The following PLXNA4 variants were observed in gnomAD, a reference collection of about 807,000 sequenced individuals.
The protein encoded by PLXNA4 is plexin-A4.
PLXNA4 carries 44 observed loss-of-function variants against 191.8 expected under a neutral mutation model. That is an observed-to-expected ratio of 0.23 (90% CI 0.18 to 0.29). The LOEUF (loss-of-function observed/expected upper bound fraction) is 0.29. Among genes scored for constraint, PLXNA4 ranks in the 10% least tolerant of loss-of-function variants. The probability of loss-of-function intolerance (pLI) is 1.00; values close to 1 mark genes in which losing one functional copy is unlikely to be tolerated. For missense variants in PLXNA4, 1,800 were observed against 2,488.8 expected (o/e 0.72, Z 5.89); for synonymous variants, 1,082 against 1,009.5 (o/e 1.07, Z -1.36).
intron 30 of PLXNA4, 76 bp from the exon 31 acceptor site, chr7:132,133,275 G>T: frequency 6.4e-7 from 1 of 1,560,828 alleles, no homozygotes. Context: ...TCCCAGCACC[G>T]TGTCTGGGGC....
intron 3 of PLXNA4, among the ~76,000 whole-genome samples, chr7:132,437,112 C>A (rs1168273541): frequency 2.6e-5 from 4 of 152,238 alleles, no homozygotes; most frequent in Admixed American, 1.3e-4. Context: ...CTTATATTTT[C>A]TTTTCCTTTG....
rs1794891698 is a variant in PLXNA4 at position 132,130,384 on chromosome 7, A to C, written c.*95T>G. On this transcript the variant is annotated 3_prime_UTR_variant, in exon 32 of 32. Transcript: ENST00000321063. ...CAGCGCTGCTCAGGGGATGCTGCTGATGCCAGTCGGAACTTGCACTTGGTA... is the reference window on the plus strand; with the variant it reads ...CAGCGCTGCTCAGGGGATGCTGCTGCTGCCAGTCGGAACTTGCACTTGGTA... 3.2e-6 allele frequency: 5 copies of C among 1,559,588 alleles called. No homozygotes were observed. The highest frequency in any genetic ancestry group is 1.8e-4 in the Middle Eastern group (1 of 5,702).
Position 132,181,474 on chromosome 7 carries a change from C to G in PLXNA4, c.3399G>C (p.Lys1133Asn), listed in dbSNP as rs1424084694. ...DNVQSLLILN[K>N]TNFTYYPNPV... ...GGTTGGGATAGTAGGTGAAGTTGGTCTTGTTGAGGATGAGCAGGGACTGGA... is the reference window on the plus strand; with the variant it reads ...GGTTGGGATAGTAGGTGAAGTTGGTGTTGTTGAGGATGAGCAGGGACTGGA... Residue 1133 changes from lysine to asparagine, a missense_variant, in exon 18 of 32, where the codon AAG becomes AAC. By Grantham distance (94) the Lys-to-Asn change is moderately conservative. Transcript: ENST00000321063. 3 of 1,614,072 alleles carry G rather than the reference C, an allele frequency of 1.9e-6. No individual in the cohort carries two copies. The highest frequency in any genetic ancestry group is 2.2e-5 in the South Asian group (2 of 91,062).
At chr7:132,486,900 C>CT (rs1195969965) in intron 3 of PLXNA4, among the ~76,000 whole-genome samples, 2 of 152,162 alleles carry the variant, frequency 1.3e-5, no homozygotes, top group African/African-American at 4.8e-5. Flanking sequence ...GCCCAGGCTC[C>CT]TGGGGGTGTC....
At chr7:132,379,397 C>G (rs1279902905) in intron 3 of PLXNA4, among the ~76,000 whole-genome samples, 1 of 152,174 alleles carries the variant, frequency 6.6e-6, no homozygotes, top group Middle Eastern at 3.2e-3. Context: ...CTGGCTTTTA[C>G]AAAACCCCTG....
intron 4 of PLXNA4, among the ~76,000 whole-genome samples, chr7:132,280,213 C>T (rs1800428893): frequency 6.6e-6 from 1 of 152,112 alleles, no homozygotes; most frequent in Admixed American, 6.5e-5. Context: ...CCCCTCCCTC[C>T]TCAGAGGCTG....
chr7:132,368,146 T>A lies in PLXNA4; in HGVS notation c.1372-69924A>T, dbSNP rs528361399. ...ATGGGCTGGACAGCAGGGTGTTGAT[T>A]GGGGCCAATGTCAATGCTGGGCGTG... On this transcript the variant is annotated intron_variant, in intron 3 of 31. Transcript: ENST00000321063. Among the ~76,000 whole-genome samples the A allele has an allele frequency of 3.9e-5, 6 of 152,124 alleles. No individual in the cohort carries two copies. The South Asian group carries it at 8.3e-4, about 21-fold the overall frequency.
At chr7:132,148,510 G>A in intron 26 of PLXNA4, 33 bp downstream of exon 26, 1 of 1,613,166 alleles carries the variant, frequency 6.2e-7, no homozygotes, top group Admixed American at 1.7e-5. Context: ...ACTTGTAGTT[G>A]GCTAGCTCCT....
intron 1 of PLXNA4, among the ~76,000 whole-genome samples, chr7:132,519,456 C>T (rs575190374): frequency 6.6e-6 from 1 of 152,320 alleles, no homozygotes; most frequent in Admixed American, 6.5e-5. Flanking sequence ...ACCTTGGGAA[C>T]CACAGAAAAG....
chr7:132,241,089 A>G lies in PLXNA4; in HGVS notation c.1581T>C (p.Cys527=), dbSNP rs776775617. The G allele has an allele frequency of 1.3e-5, 21 of 1,613,224 alleles. No individual in the cohort carries two copies. The highest frequency in any genetic ancestry group is 1.8e-5 in the Non-Finnish European group (21 of 1,179,404). ...GECLGSGDPH[C]GWCVLHNTCT... is the part of the protein sequence containing the mutation. Reference sequence around the variant, plus strand: ...ACGTGTTGTGCAGCACACACCAGCCACAGTGGGGGTCGCCTGAGCCAAGGC... The same window carrying G: ...ACGTGTTGTGCAGCACACACCAGCCGCAGTGGGGGTCGCCTGAGCCAAGGC... The change falls in exon 5 of 32, where the codon TGT becomes TGC. Residue 527 remains cysteine, a synonymous_variant. Transcript: ENST00000321063.
intron 2 of PLXNA4, among the ~76,000 whole-genome samples, chr7:132,621,581 G>C (rs1803268810): frequency 6.6e-6 from 1 of 152,076 alleles, no homozygotes; most frequent in Admixed American, 6.6e-5. Flanking sequence ...TTTATACATT[G>C]CTGCAAAGGT....
At chr7:132,501,353 C>T (rs1178390375) in intron 2 of PLXNA4, among the ~76,000 whole-genome samples, 2 of 152,136 alleles carry the variant, frequency 1.3e-5, no homozygotes, top group South Asian at 2.1e-4. Flanking sequence ...TGTGCTCGGG[C>T]TCATGACATG....
At chr7:132,164,345 C>T in intron 23 of PLXNA4, 57 bp from the exon 24 acceptor site, 1 of 1,592,380 alleles carries the variant, frequency 6.3e-7, no homozygotes, top group South Asian at 1.1e-5. Context: ...AGTGTACCCC[C>T]AGTCCCTGCT....
At chr7:132,173,394 C>T (rs1299757248) in intron 21 of PLXNA4, among the ~76,000 whole-genome samples, 1 of 152,202 alleles carries the variant, frequency 6.6e-6, no homozygotes, top group Non-Finnish European at 1.5e-5. Context: ...TACACGCACA[C>T]AAACACACAT....
chr7:132,478,747 G>A (rs1054529600), intron 3 of PLXNA4, among the ~76,000 whole-genome samples: 1 of 152,156 alleles, frequency 6.6e-6, no homozygotes, highest in African/African-American at 2.4e-5. Flanking sequence ...ATGCAATGAT[G>A]AGGGCAGGTC....
intron 3 of PLXNA4, among the ~76,000 whole-genome samples, chr7:132,423,121 T>G (rs1421071990): frequency 6.6e-6 from 1 of 152,222 alleles, no homozygotes; most frequent in Non-Finnish European, 1.5e-5. Flanking sequence ...CCTCCTCCTG[T>G]GCGAACACCG....
intron 3 of PLXNA4, among the ~76,000 whole-genome samples, chr7:132,443,551 A>C (rs1795779632): frequency 6.6e-6 from 1 of 152,022 alleles, no homozygotes; most frequent in Non-Finnish European, 1.5e-5. Context: ...CCTGTTGTCC[A>C]TTTCCTGGCA....
intron 3 of PLXNA4, among the ~76,000 whole-genome samples, chr7:132,475,598 C>G (rs1354997775): frequency 6.6e-6 from 1 of 152,082 alleles, no homozygotes; most frequent in African/African-American, 2.4e-5. Flanking sequence ...GGTCCCCCTT[C>G]CCCTGACCCA....
At chr7:132,404,061 GCTTT>G (rs372904049) in intron 3 of PLXNA4, among the ~76,000 whole-genome samples, 81 of 152,214 alleles carry the variant, frequency 5.3e-4, no homozygotes, top group African/African-American at 1.6e-3. Flanking sequence ...AGGAGACAAG[GCTTT>G]CTTTCTTTCA....
Sources: gnomAD v4.1 joint callset for allele counts (sites outside exome capture counted in the v4.1 genomes callset) on GRCh38, gnomAD v4.1.1 for gene constraint, MANE v1.5 for transcripts, NCBI Gene and HGNC (gene_info 2026-07-23, HGNC 2026-07-21) for gene names.